The following POLR2B variants were observed in gnomAD, a reference collection of about 807,000 sequenced individuals.
The protein encoded by POLR2B is RNA polymerase II subunit B.
POLR2B carries 57 observed loss-of-function variants against 144.6 expected under a neutral mutation model. The observed-to-expected ratio is 0.39, with a 90% confidence interval of 0.32 to 0.49. The LOEUF (loss-of-function observed/expected upper bound fraction) is 0.49, where lower values mean the gene tolerates loss of function less well. POLR2B is among the 20% of genes least tolerant of loss of function. The pLI, the probability that POLR2B is intolerant of heterozygous loss-of-function variation, is 0.83. For missense variants in POLR2B, 595 were observed against 1,467.4 expected, an observed-to-expected ratio of 0.41 and a Z score of 9.71; for synonymous variants, 442 against 469.8, an observed-to-expected ratio of 0.94 and a Z score of 0.77.
intron 7 of POLR2B, among the ~76,000 whole-genome samples, chr4:57,001,608 ATAT>A (rs748179433): frequency 6.6e-6 from 1 of 152,208 alleles, no homozygotes; most frequent in Admixed American, 6.5e-5. Flanking sequence ...TACTTAAGTA[ATAT>A]TATATGCTTC....
rs1024702137 is a variant in POLR2B, at chr4:57,023,178, G to A, written c.2516-152G>A. On this transcript the variant is annotated intron_variant, in intron 18 of 24. Transcript: ENST00000314595. The surrounding 1 kb of genome is among the most constrained non-coding windows in gnomAD (Gnocchi z 4.3). ...GTTTTCTGTGTGGGCTGTAGTATTAGAGTTCAGAATAGTTTGTAATATTTG... is the reference window on the plus strand; with the variant it reads ...GTTTTCTGTGTGGGCTGTAGTATTAAAGTTCAGAATAGTTTGTAATATTTG... 6.0e-6 allele frequency: 4 copies of A among 667,734 alleles called. No homozygotes were observed. Among genetic ancestry groups the A allele is most frequent in the Non-Finnish European group, 1.0e-5 (4 of 398,708 alleles). 41.4% of individuals were successfully genotyped at this position (667,734 alleles called of 1,614,324 possible).
chr4:57,025,121 T>A (rs1723673381), intron 22 of POLR2B, 122 bp downstream of exon 22: 2 of 629,932 alleles, frequency 3.2e-6, no homozygotes, highest in East Asian at 5.4e-5. Flanking sequence ...AATGTACAGC[T>A]TGATGAATTT....
At chr4:56,996,278 A>ATATT (rs1488404814) in intron 6 of POLR2B, among the ~76,000 whole-genome samples, 2,175 of 59,816 alleles carry the variant, frequency 0.036, 219 homozygotes, top group Non-Finnish European at 0.059. Flanking sequence ...ATATATATAT[A>ATATT]TTTTTTTTTT....
intron 3 of POLR2B, among the ~76,000 whole-genome samples, chr4:56,992,301 A>G (rs1447164757): frequency 6.6e-6 from 1 of 151,228 alleles, no homozygotes; most frequent in Non-Finnish European, 1.5e-5. Flanking sequence ...CGTCTCTACT[A>G]GTAAAGTACA....
chr4:57,005,946 G>A (rs1267045883), intron 9 of POLR2B, among the ~76,000 whole-genome samples: 1 of 152,104 alleles, frequency 6.6e-6, no homozygotes, highest in Non-Finnish European at 1.5e-5. Flanking sequence ...TATTCCTCTG[G>A]TAGCTTTGTA....
chr4:57,005,091 T>G (rs972377041), intron 7 of POLR2B, among the ~76,000 whole-genome samples, 155 bp from the exon 8 acceptor site: 1 of 152,224 alleles, frequency 6.6e-6, no homozygotes, highest in Admixed American at 6.5e-5. Flanking sequence ...TGAGGTATCT[T>G]CTAAGAGTTT....
chr4:56,996,782 A>T (rs1300287723), intron 6 of POLR2B, among the ~76,000 whole-genome samples: 1 of 152,134 alleles, frequency 6.6e-6, no homozygotes, highest in Non-Finnish European at 1.5e-5. Context: ...TCATGAAAAC[A>T]CACAATCCTT....
intron 14 of POLR2B, among the ~76,000 whole-genome samples, chr4:57,016,661 T>C (rs574787815): frequency 2.0e-5 from 3 of 150,808 alleles, no homozygotes; most frequent in South Asian, 2.1e-4. Flanking sequence ...ATGAAGCTGC[T>C]TTAAATATTT....
rs770511423 is a variant in POLR2B, at chr4:56,994,516, C to T, written c.356C>T (p.Thr119Met). The change falls in exon 4 of 25, where the codon ACG becomes ATG. Residue 119 changes from threonine to methionine, a missense_variant and splice_region_variant. By Grantham distance (81) the Thr-to-Met change is moderately conservative. This residue lies in a region of POLR2B where 251 missense variants were observed against 567.3 expected (regional missense o/e 0.44). Transcript: ENST00000314595. ...AATGAAGCTAGATTAAGGAATCTCACGTAAGAAAGAATTTTTCCTTGTCAG... is the reference window on the plus strand; with the variant it reads ...AATGAAGCTAGATTAAGGAATCTCATGTAAGAAAGAATTTTTCCTTGTCAG... Reference protein sequence around the residue: ...MPNEARLRNLTYSAPLYVDIT... With the variant: ...MPNEARLRNLMYSAPLYVDIT... The T allele has an allele frequency of 1.5e-5, 24 of 1,560,678 alleles. No homozygotes were observed. Among genetic ancestry groups the T allele is most frequent in the African/African-American group, 2.7e-5 (2 of 73,848 alleles).
rs1723404827 is a variant in POLR2B at position 57,017,408 on chromosome 4, G to A, written c.2155-152G>A. ...TTGCTGTTGTGTTTCATGGTTAAGA[G>A]CCGTAATTGATTATTCCAAATGGTT... On this transcript the variant is annotated intron_variant, in intron 15 of 24. Transcript: ENST00000314595. This position sits in a 1 kb window ranked among gnomAD's most constrained non-coding sequence, Gnocchi z 4.8. The A allele has an allele frequency of 1.3e-6, 1 of 770,088 alleles. No individual in the cohort carries two copies. The highest frequency in any genetic ancestry group is 2.1e-6 in the Non-Finnish European group (1 of 475,314). 47.7% of individuals were successfully genotyped at this position (770,088 alleles called of 1,614,324 possible).
At chr4:56,997,934 A>C (rs563383420) in intron 6 of POLR2B, among the ~76,000 whole-genome samples, 27 of 152,216 alleles carry the variant, frequency 1.8e-4, no homozygotes, top group Non-Finnish European at 3.5e-4. Flanking sequence ...GTCGAGAGGC[A>C]TCGGCCTGGA....
At chr4:56,990,363 C>T (rs1346014015) in intron 2 of POLR2B, among the ~76,000 whole-genome samples, 2 of 152,054 alleles carry the variant, frequency 1.3e-5, no homozygotes, top group African/African-American at 4.8e-5. Flanking sequence ...ATATGTGGGA[C>T]TATAGGCACA....
intron 23 of POLR2B, among the ~76,000 whole-genome samples, chr4:57,027,023 T>C (rs187245844): frequency 7.9e-5 from 12 of 152,198 alleles, no homozygotes; most frequent in Admixed American, 5.2e-4. Context: ...TTGGCTTTTT[T>C]TTTGTGAGAC....
At chr4:56,979,112 T>C in intron 1 of POLR2B, 108 bp downstream of exon 1, 1 of 1,152,356 alleles carries the variant, frequency 8.7e-7, no homozygotes, top group East Asian at 2.3e-5. Context: ...GGCTGCACAG[T>C]CCCCAGCCTT....
Position 56,986,342 on chromosome 4 carries a change from T to C in POLR2B, c.20-12T>C. On this transcript the variant is annotated splice_polypyrimidine_tract_variant and intron_variant, in intron 1 of 24. Transcript: ENST00000314595. ...CTCATTGCAAATGAGTACAATATTTTTGTTTTTACAGATATGCAATATGAT... is the reference window on the plus strand; with the variant it reads ...CTCATTGCAAATGAGTACAATATTTCTGTTTTTACAGATATGCAATATGAT... 4 of 1,559,150 alleles carry C rather than the reference T, an allele frequency of 2.6e-6. No individual in the cohort carries two copies. Among genetic ancestry groups the C allele is most frequent in the Non-Finnish European group, 3.5e-6 (4 of 1,130,056 alleles).
chr4:56,988,356 G>A (rs1722395641), intron 2 of POLR2B, among the ~76,000 whole-genome samples: 1 of 152,054 alleles, frequency 6.6e-6, no homozygotes, highest in Non-Finnish European at 1.5e-5. Flanking sequence ...GCCACAGGTA[G>A]AATTAAGAAA....
At chr4:56,983,483 C>T (rs182519744) in intron 1 of POLR2B, among the ~76,000 whole-genome samples, 15 of 147,324 alleles carry the variant, frequency 1.0e-4, no homozygotes, top group South Asian at 4.3e-4. Context: ...AGTGATTCTT[C>T]GCCTCAGCCT....
At chr4:56,996,384 CA>C (rs914441434) in intron 6 of POLR2B, among the ~76,000 whole-genome samples, 23 of 148,420 alleles carry the variant, frequency 1.5e-4, no homozygotes, top group African/African-American at 5.7e-4. Flanking sequence ...GGGTTCACGC[CA>C]TTCTCCTGCC....
chr4:57,027,661 A>G (rs542388607), intron 23 of POLR2B, among the ~76,000 whole-genome samples: 2 of 152,310 alleles, frequency 1.3e-5, no homozygotes, highest in South Asian at 4.1e-4. Flanking sequence ...TAGTTTCTCA[A>G]AGGTTGGTTT....
Sources: allele counts gnomAD v4.1 joint callset (sites outside exome capture counted in the v4.1 genomes callset), GRCh38; gene constraint gnomAD v4.1.1; regional missense constraint gnomAD v4.1.1; non-coding constraint Gnocchi (gnomAD v3.1); transcripts MANE v1.5; gene names NCBI Gene and HGNC (gene_info 2026-07-23, HGNC 2026-07-21).